Variants in CCR5AS observed in about 807,000 individuals in gnomAD.
CCR5AS encodes CCR5 antisense RNA.
intron 2 of CCR5AS, chr3:46,376,299 TAGTG>T (rs919817302): frequency 1.3e-5 from 2 of 152,646 alleles, no homozygotes; most frequent in African/African-American, 4.8e-5. Flanking sequence ...TTTTCTTCCT[TAGTG>T]TGTGTGCATG....
intron 3 of CCR5AS, among the ~76,000 whole-genome samples, chr3:46,367,044 G>C (rs1701606507): frequency 6.6e-6 from 1 of 152,044 alleles, no homozygotes; most frequent in Non-Finnish European, 1.5e-5. Context: ...TATAGTTAAG[G>C]CTATTTTGTT....
At chr3:46,403,551 A>G (rs1367458865) in intron 1 of CCR5AS, among the ~76,000 whole-genome samples, 2 of 152,228 alleles carry the variant, frequency 1.3e-5, no homozygotes, top group Admixed American at 6.5e-5. Flanking sequence ...AAGGCACAGC[A>G]GCCAAGGAAG....
At position 46,400,915 on chromosome 3, in the gene CCR5AS, C is replaced by T. The variant is rs2106780055; in HGVS notation, n.163+5982G>A. Among the ~76,000 whole-genome samples the T allele has an allele frequency of 3.3e-5, 5 of 152,306 alleles. No individual in the cohort carries two copies. In the Middle Eastern group the frequency reaches 0.01, roughly 311 times the overall value. ...AATGGCACCGAGGCCAAGGATGTCA[C>T]CTTCTGACTCCCAAATCTGAGACAG... On this transcript the variant is annotated intron_variant and non_coding_transcript_variant, in intron 1 of 3. Coordinates refer to ENST00000451485, the Ensembl canonical transcript of CCR5AS.
intron 1 of CCR5AS, among the ~76,000 whole-genome samples, chr3:46,404,092 C>A (rs2106782833): frequency 6.6e-6 from 1 of 152,296 alleles, no homozygotes; most frequent in South Asian, 2.1e-4. Context: ...TGGAGCCTCA[C>A]ATCCTTTGCC....
chr3:46,391,397 T>A (rs145753204), intron 2 of CCR5AS, among the ~76,000 whole-genome samples: 9,108 of 152,182 alleles, frequency 0.06, 897 homozygotes, highest in African/African-American at 0.21. Context: ...AATCCTGTTG[T>A]GGGGTTTGAG....
rs747951371 is a variant in CCR5AS at position 46,373,114 on chromosome 3, A to G, written n.392-1697T>C. 25 of 1,614,116 alleles carry G rather than the reference A, an allele frequency of 1.5e-5. No homozygotes were observed. In the South Asian group the frequency reaches 2.5e-4, roughly 16 times the overall value. On this transcript the variant is annotated intron_variant and non_coding_transcript_variant, in intron 2 of 3. Coordinates refer to ENST00000451485, the Ensembl canonical transcript of CCR5AS. ...AGCATGACTGACATCTACCTGCTCAACCTGGCCATCTCTGACCTGTTTTTC... is the reference window on the plus strand; with the variant it reads ...AGCATGACTGACATCTACCTGCTCAGCCTGGCCATCTCTGACCTGTTTTTC...
At chr3:46,406,741 A>G (rs1300820181) in intron 1 of CCR5AS, among the ~76,000 whole-genome samples, 1 of 151,804 alleles carries the variant, frequency 6.6e-6, no homozygotes, top group Non-Finnish European at 1.5e-5. Flanking sequence ...GGGCAGCCCT[A>G]TGCTCACTGC....
intron 2 of CCR5AS, among the ~76,000 whole-genome samples, chr3:46,380,478 A>G (rs1483173771): frequency 1.3e-5 from 2 of 152,254 alleles, no homozygotes; most frequent in Non-Finnish European, 2.9e-5. Context: ...CTCTTATGGA[A>G]TCCTATGGTT....
At chr3:46,373,939 A>G (rs1701715518) in intron 2 of CCR5AS, 2 of 1,573,008 alleles carry the variant, frequency 1.3e-6, no homozygotes, top group Non-Finnish European at 1.7e-6. Context: ...ACTGGGGAGC[A>G]GGAAATATCT....
At chr3:46,402,801 G>A (rs1457519459) in intron 1 of CCR5AS, among the ~76,000 whole-genome samples, 4 of 152,106 alleles carry the variant, frequency 2.6e-5, no homozygotes, top group African/African-American at 9.7e-5. Flanking sequence ...GTAACCTTTT[G>A]TCATGAGGGT....
At chr3:46,397,471 G>A (rs570527231) in intron 1 of CCR5AS, among the ~76,000 whole-genome samples, 4 of 152,326 alleles carry the variant, frequency 2.6e-5, no homozygotes, top group South Asian at 2.1e-4. Context: ...GTATAGGGAG[G>A]CCACAATACA....
At chr3:46,403,147 G>T (rs1702017437) in intron 1 of CCR5AS, among the ~76,000 whole-genome samples, 1 of 152,294 alleles carries the variant, frequency 6.6e-6, no homozygotes, top group Middle Eastern at 3.4e-3. Flanking sequence ...GTCATTGATG[G>T]GCATTTAGGT....
intron 1 of CCR5AS, among the ~76,000 whole-genome samples, chr3:46,397,289 C>T (rs1394161457): frequency 3.3e-5 from 5 of 152,222 alleles, no homozygotes; most frequent in Admixed American, 6.5e-5. Flanking sequence ...GCCAGTGCCA[C>T]GAGGACAGAG....
At chr3:46,395,678 T>G (rs571290232) in intron 1 of CCR5AS, among the ~76,000 whole-genome samples, 20 of 152,336 alleles carry the variant, frequency 1.3e-4, no homozygotes, top group African/African-American at 4.1e-4. Flanking sequence ...TGTTCCCTCC[T>G]TCCGCCTAGA....
At chr3:46,385,759 T>C (rs1221585353) in intron 2 of CCR5AS, among the ~76,000 whole-genome samples, 1 of 151,908 alleles carries the variant, frequency 6.6e-6, no homozygotes, top group Non-Finnish European at 1.5e-5. Context: ...ATTTATTTTT[T>C]AGATGGAGTC....
At chr3:46,373,144 T>C in intron 2 of CCR5AS, 3 of 1,614,158 alleles carry the variant, frequency 1.9e-6, no homozygotes, top group Non-Finnish European at 1.7e-6. Flanking sequence ...TTTTTCCTTC[T>C]TACTGTCCCC....
intron 2 of CCR5AS, among the ~76,000 whole-genome samples, chr3:46,381,005 G>GA (rs1701811358): frequency 6.6e-6 from 1 of 152,142 alleles, no homozygotes; most frequent in Admixed American, 6.5e-5. Flanking sequence ...CCCCAAGCTG[G>GA]TTTTTTTAAA....
intron 2 of CCR5AS, among the ~76,000 whole-genome samples, chr3:46,388,383 C>A (rs1227742202): frequency 6.6e-6 from 1 of 152,108 alleles, no homozygotes; most frequent in Non-Finnish European, 1.5e-5. Context: ...GGCCTGGATG[C>A]AGTTTTGTAT....
Position 46,405,632 on chromosome 3 carries a change from C to A in CCR5AS, n.163+1265G>T, listed in dbSNP as rs141663022. 6.4e-4 allele frequency among the ~76,000 whole-genome samples: 98 copies of A among 151,972 alleles called. 1 individual carries two copies. Among genetic ancestry groups the A allele is most frequent in the African/African-American group, 2.2e-3 (93 of 41,404 alleles). ...GAAGAGTGTCCCAGGGCACCATGAC[C>A]CCCACTCACTCACTCACAGGAGACC... is the stretch of plus-strand genomic sequence containing the variant. On this transcript the variant is annotated intron_variant and non_coding_transcript_variant, in intron 1 of 3. Coordinates refer to ENST00000451485, the Ensembl canonical transcript of CCR5AS.
Sources: gnomAD v4.1 joint callset for allele counts (sites outside exome capture counted in the v4.1 genomes callset) on GRCh38, gnomAD v4.1.1 for gene constraint, MANE v1.5 for transcripts, NCBI Gene and HGNC (gene_info 2026-07-23, HGNC 2026-07-21) for gene names.